RCOR3: variants seen among roughly 807,000 people sequenced by gnomAD.
RCOR3 encodes REST corepressor 3.
RCOR3 carries 13 observed loss-of-function variants against 64.1 expected under a neutral mutation model. The observed-to-expected ratio is 0.20, with a 90% CI of 0.13 to 0.32. RCOR3 has a LOEUF of 0.32. Ranked by LOEUF, RCOR3 falls within the 10% of genes least tolerant of loss-of-function variation. RCOR3 has a pLI of 1.00. For synonymous variants in RCOR3, 215 were observed against 239.0 expected (o/e 0.90, Z 0.93); for missense variants, 489 against 701.2 (o/e 0.70, Z 3.42).
chr1:211,306,411 GTAA>G (rs2102652690), intron 10 of RCOR3, among the ~76,000 whole-genome samples: 2 of 151,444 alleles, frequency 1.3e-5, no homozygotes, highest in South Asian at 2.1e-4. Context: ...GTTTTACAAA[GTAA>G]TAATAAACTG....
chr1:211,277,121 A>C (rs886494785), intron 5 of RCOR3, among the ~76,000 whole-genome samples: 2 of 151,484 alleles, frequency 1.3e-5, no homozygotes, highest in Non-Finnish European at 2.9e-5. Flanking sequence ...AAACAAAAAA[A>C]ATATTATTTC....
At chr1:211,292,647 A>G (rs1008852504) in intron 8 of RCOR3, among the ~76,000 whole-genome samples, 1 of 152,204 alleles carries the variant, frequency 6.6e-6, no homozygotes, top group Non-Finnish European at 1.5e-5. Context: ...GCAGTGTTCA[A>G]ACTGAGTTCT....
intron 5 of RCOR3, among the ~76,000 whole-genome samples, chr1:211,277,894 C>G (rs547663032): frequency 6.6e-6 from 1 of 152,256 alleles, no homozygotes; most frequent in East Asian, 1.9e-4. Context: ...AGTTTGTGAC[C>G]TCTTCCCCTC....
intron 8 of RCOR3, chr1:211,291,498 A>G (rs907958604): frequency 4.5e-6 from 2 of 446,688 alleles, no homozygotes; most frequent in Non-Finnish European, 8.9e-6. Context: ...CAACCTGGAT[A>G]TGTTTTGATT....
At chr1:211,263,906 C>A (rs1191413086) in intron 2 of RCOR3, among the ~76,000 whole-genome samples, 3 of 152,036 alleles carry the variant, frequency 2.0e-5, no homozygotes, top group Admixed American at 6.6e-5. Flanking sequence ...CTGCAACCTC[C>A]ACCTCCTGGG....
Position 211,312,656 on chromosome 1 carries a change from T to G in RCOR3, c.1076-64T>G. 9.3e-7 allele frequency: 1 copy of G among 1,078,718 alleles called. No individual in the cohort carries two copies. Among genetic ancestry groups the G allele is most frequent in the Admixed American group, 1.9e-5 (1 of 53,982 alleles). 66.8% of individuals were successfully genotyped at this position (1,078,718 alleles called of 1,614,324 possible). ...GCTGGTATCTTTTGTGTGTGCATGA[T>G]GTATAGTACACACAGCTCTCCTTAT... On this transcript the variant is annotated intron_variant, in intron 10 of 11. Transcript: ENST00000419091. This position sits in a 1 kb window ranked among gnomAD's most constrained non-coding sequence, Gnocchi z 5.0.
intron 7 of RCOR3, among the ~76,000 whole-genome samples, chr1:211,280,355 C>T (rs1697606041): frequency 6.6e-6 from 1 of 152,166 alleles, no homozygotes; most frequent in Non-Finnish European, 1.5e-5. Context: ...GAACATATTA[C>T]AGTTACTGTA....
chr1:211,285,446 A>T (rs1167854050), intron 7 of RCOR3, among the ~76,000 whole-genome samples: 1 of 152,196 alleles, frequency 6.6e-6, no homozygotes, highest in African/African-American at 2.4e-5. Flanking sequence ...TCCCGGAAGC[A>T]CTAAGTGGAA....
chr1:211,285,099 T>C (rs1698346942), intron 7 of RCOR3, among the ~76,000 whole-genome samples: 1 of 152,236 alleles, frequency 6.6e-6, no homozygotes, highest in East Asian at 1.9e-4. Flanking sequence ...TTTGTATTAC[T>C]TTTGATTTCC....
intron 3 of RCOR3, among the ~76,000 whole-genome samples, chr1:211,272,958 T>C (rs1696448932): frequency 6.6e-6 from 1 of 152,174 alleles, no homozygotes; most frequent in South Asian, 2.1e-4. Context: ...ACACTGATTG[T>C]AATGCATAGC....
At chr1:211,263,103 A>G (rs1343979629) in intron 2 of RCOR3, among the ~76,000 whole-genome samples, 14 of 138,744 alleles carry the variant, frequency 1.0e-4, no homozygotes, top group African/African-American at 3.5e-4. Context: ...GTTCCCATCT[A>G]TGAGTGAGAA....
intron 10 of RCOR3, among the ~76,000 whole-genome samples, chr1:211,306,208 T>G (rs1700836032): frequency 6.6e-6 from 1 of 152,136 alleles, no homozygotes; most frequent in South Asian, 2.1e-4. Context: ...TATATAGTGG[T>G]CAGAAGTGTG....
intron 8 of RCOR3, chr1:211,291,429 C>CA (rs980963524): frequency 7.9e-6 from 3 of 380,900 alleles, no homozygotes; most frequent in African/African-American, 4.3e-5. Context: ...GCAAATATCC[C>CA]AAAATCCCCT....
chr1:211,280,670 T>C (rs1420609525), intron 7 of RCOR3, among the ~76,000 whole-genome samples: 1 of 152,136 alleles, frequency 6.6e-6, no homozygotes, highest in Non-Finnish European at 1.5e-5. Context: ...CCAAAAAGTA[T>C]GTTCAAGTCT....
At chr1:211,311,759 T>C (rs528777637) in intron 10 of RCOR3, among the ~76,000 whole-genome samples, 4 of 152,300 alleles carry the variant, frequency 2.6e-5, no homozygotes, top group African/African-American at 9.6e-5. Context: ...GCAACTTTTC[T>C]ATTTTGAGCT....
In RCOR3 at chr1:211,312,766, T is replaced by C. The variant is rs1364658071; in HGVS notation, c.1122T>C (p.Ile374=). 6.2e-7 allele frequency: 1 copy of C among 1,614,210 alleles called. No individual in the cohort carries two copies. Among genetic ancestry groups the C allele is most frequent in the Non-Finnish European group, 8.5e-7 (1 of 1,180,040 alleles). ...ATTTTCAAGCTATTGCAGATGTAAT[T>C]GGCAACAAGACTGTTGGCCAAGTGA... The part of the protein sequence containing the change: ...GKDFQAIADV[I]GNKTVGQVKN... Residue 374 remains isoleucine, a synonymous_variant, in exon 11 of 12, where the codon ATT becomes ATC. Coordinates refer to ENST00000419091, the MANE Select transcript of RCOR3 (RefSeq NM_001136223.3). This position sits in a 1 kb window ranked among gnomAD's most constrained non-coding sequence, Gnocchi z 5.0.
At chr1:211,306,602 A>G (rs1700874708) in intron 10 of RCOR3, among the ~76,000 whole-genome samples, 1 of 152,278 alleles carries the variant, frequency 6.6e-6, no homozygotes, top group African/African-American at 2.4e-5. Context: ...GAGATTTACA[A>G]CTTTACTATT....
In RCOR3 at chr1:211,260,054, CTTTCT is replaced by C. The variant is rs964245089; in HGVS notation, c.167-47_167-43del. On this transcript the variant is annotated intron_variant, in intron 1 of 11. Transcript: ENST00000419091. ...ATTTTTTAAGTGTCTCTTCCTTTTT[CTTTCT>C]TTTCTTCTTTTTTATTTTTTATATA... 1.5e-4 allele frequency: 210 copies of C among 1,401,710 alleles called. 1 individual carries two copies. Among genetic ancestry groups the C allele is most frequent in the African/African-American group, 3.0e-5 (2 of 65,758 alleles). The allele number at this position is 1,401,710 out of a possible 1,614,324, so 86.8% of individuals were successfully genotyped here. A position where few individuals can be genotyped will look rare whatever the true frequency, so the allele number is the denominator to read the frequency against.
intron 4 of RCOR3, 45 bp downstream of exon 4, chr1:211,274,307 A>G: frequency 1.5e-6 from 2 of 1,327,080 alleles, no homozygotes; most frequent in South Asian, 1.2e-5. Flanking sequence ...CCCAATATTT[A>G]CCAAATCTAG....
Sources: gnomAD v4.1 joint callset for allele counts (sites outside exome capture counted in the v4.1 genomes callset) on GRCh38, gnomAD v4.1.1 for gene constraint, Gnocchi (gnomAD v3.1) non-coding constraint, MANE v1.5 for transcripts, NCBI Gene and HGNC (gene_info 2026-07-23, HGNC 2026-07-21) for gene names.